Variants in SNTG1 observed in about 807,000 individuals in gnomAD.
SNTG1 encodes syntrophin gamma 1, also known as gamma-1-syntrophin.
In SNTG1, 39 loss-of-function variants were observed where a neutral mutation model predicts 74.7. The observed-to-expected ratio is 0.52, with a 90% CI of 0.40 to 0.68. The LOEUF (loss-of-function observed/expected upper bound fraction) is 0.68, where lower values mean the gene tolerates loss of function less well. Ranked by LOEUF, SNTG1 falls within the 30% of genes least tolerant of loss-of-function variation. The pLI, the probability that SNTG1 is intolerant of heterozygous loss-of-function variation, is 0.00. For missense variants in SNTG1, 685 were observed against 609.5 expected (o/e 1.12, Z -1.30); for synonymous variants, 254 against 217.1 (o/e 1.17, Z -1.49).
chr8:50,346,324 T>C lies in SNTG1; in HGVS notation c.-27-47888T>C, dbSNP rs1438823403. ...ATGGGGATCTGGAATCCGTGATCTT[T>C]GATGTTACTGGTGGGATTTTTTCAA... is the stretch of plus-strand genomic sequence containing the variant. On this transcript the variant is annotated intron_variant, in intron 2 of 18. Coordinates refer to ENST00000642720, the MANE Select transcript of SNTG1 (RefSeq NM_018967.5). 3.3e-5 allele frequency among the ~76,000 whole-genome samples: 5 copies of C among 152,294 alleles called. 1 individual carries two copies. The East Asian group carries it at 9.7e-4, about 29-fold the overall frequency.
chr8:50,663,454 A>G (rs2131304006), intron 15 of SNTG1, among the ~76,000 whole-genome samples: 1 of 152,212 alleles, frequency 6.6e-6, no homozygotes, highest in South Asian at 2.1e-4. Context: ...CAGGGCATGG[A>G]CAGCGGGCTA....
At chr8:49,975,886 A>C (rs1428206692) in intron 1 of SNTG1, among the ~76,000 whole-genome samples, 1 of 151,830 alleles carries the variant, frequency 6.6e-6, no homozygotes, top group East Asian at 1.9e-4. Flanking sequence ...TTTCTTCAAC[A>C]TTTTTTCCTA....
intron 8 of SNTG1, among the ~76,000 whole-genome samples, chr8:50,474,023 G>A (rs527476325): frequency 2.3e-4 from 35 of 152,038 alleles, no homozygotes; most frequent in Non-Finnish European, 1.2e-4. Context: ...GCTCCATGGA[G>A]TCTAGAGTTT....
Position 50,796,642 on chromosome 8 carries a change from CT to C in SNTG1, c.*3819del, listed in dbSNP as rs1802823964. ...TTAATGTACTACTAATGAAACCATACTTTTTTAAATGAAGCATACTGGAAAA... is the reference window on the plus strand; with the variant it reads ...TTAATGTACTACTAATGAAACCATACTTTTTAAATGAAGCATACTGGAAAA... On this transcript the variant is annotated 3_prime_UTR_variant, in exon 19 of 19. Coordinates refer to ENST00000642720, the MANE Select transcript of SNTG1 (RefSeq NM_018967.5). 1 of 151,800 alleles carries C rather than the reference CT, an allele frequency of 6.6e-6. No individual in the cohort carries two copies. Among genetic ancestry groups the C allele is most frequent in the Non-Finnish European group, 1.5e-5 (1 of 67,894 alleles). The allele number at this position is 151,800 out of a possible 1,614,324, so 9.4% of individuals were successfully genotyped here.
At chr8:50,052,192 A>C (rs1031427356) in intron 1 of SNTG1, among the ~76,000 whole-genome samples, 2 of 152,082 alleles carry the variant, frequency 1.3e-5, no homozygotes, top group African/African-American at 4.8e-5. Context: ...AATATAATAT[A>C]ATCTGATTAC....
intron 1 of SNTG1, among the ~76,000 whole-genome samples, chr8:50,022,960 GCAAA>G (rs1816953579): frequency 6.6e-6 from 1 of 152,080 alleles, no homozygotes; most frequent in South Asian, 2.1e-4. Flanking sequence ...TATTTCAGTG[GCAAA>G]CAAACAAAAA....
intron 1 of SNTG1, among the ~76,000 whole-genome samples, chr8:49,939,966 C>T (rs1029948984): frequency 6.6e-6 from 1 of 152,034 alleles, no homozygotes; most frequent in African/African-American, 2.4e-5. Context: ...CTGAAAAAGT[C>T]TTATGATACA....
intron 2 of SNTG1, among the ~76,000 whole-genome samples, chr8:50,244,397 C>T (rs961983032): frequency 6.6e-6 from 1 of 152,026 alleles, no homozygotes; most frequent in Non-Finnish European, 1.5e-5. Context: ...TCAACAGGCT[C>T]AAAGTATCAA....
At chr8:49,967,139 G>A (rs913725840) in intron 1 of SNTG1, among the ~76,000 whole-genome samples, 1 of 152,146 alleles carries the variant, frequency 6.6e-6, no homozygotes, top group African/African-American at 2.4e-5. Flanking sequence ...ACAGTCCTTC[G>A]AAGCTGGGCC....
intron 4 of SNTG1, among the ~76,000 whole-genome samples, chr8:50,423,589 T>C (rs1301446703): frequency 6.6e-6 from 1 of 152,226 alleles, no homozygotes; most frequent in African/African-American, 2.4e-5. Context: ...CATAGCAGAA[T>C]GCTATCTGAC....
chr8:50,330,673 G>A (rs1461399387), intron 2 of SNTG1, among the ~76,000 whole-genome samples: 4 of 152,186 alleles, frequency 2.6e-5, no homozygotes, highest in Non-Finnish European at 5.9e-5. Context: ...ATAAAGGAAA[G>A]AGGTTTCATT....
intron 8 of SNTG1, among the ~76,000 whole-genome samples, chr8:50,457,395 T>C (rs957471954): frequency 6.6e-6 from 1 of 152,160 alleles, no homozygotes; most frequent in Non-Finnish European, 1.5e-5. Flanking sequence ...AGGGGAACTC[T>C]TTGTATTCCT....
chr8:50,260,304 C>G (rs1349694782), intron 2 of SNTG1, among the ~76,000 whole-genome samples: 1 of 152,164 alleles, frequency 6.6e-6, no homozygotes, highest in African/African-American at 2.4e-5. Context: ...ACATACCTAG[C>G]TCTAGTCCCT....
At chr8:50,313,237 G>T (rs929191705) in intron 2 of SNTG1, among the ~76,000 whole-genome samples, 3 of 149,808 alleles carry the variant, frequency 2.0e-5, no homozygotes, top group Non-Finnish European at 4.4e-5. Context: ...AGGAAAAGCT[G>T]CATGATATTG....
intron 4 of SNTG1, among the ~76,000 whole-genome samples, chr8:50,412,025 C>T (rs76794890): frequency 0.047 from 7,127 of 152,114 alleles, 218 homozygotes; most frequent in Middle Eastern, 0.096. Context: ...CTCCTCCAAA[C>T]GTAGAAGCAA....
intron 2 of SNTG1, among the ~76,000 whole-genome samples, chr8:50,303,262 T>A (rs757578064): frequency 6.6e-6 from 1 of 152,122 alleles, no homozygotes; most frequent in Non-Finnish European, 1.5e-5. Flanking sequence ...TAAAAGTGAC[T>A]GACTTTTAAT....
intron 1 of SNTG1, among the ~76,000 whole-genome samples, chr8:50,017,607 G>A (rs1433033204): frequency 6.6e-6 from 1 of 151,850 alleles, no homozygotes; most frequent in Non-Finnish European, 1.5e-5. Flanking sequence ...GAATCAAGAT[G>A]GAGATGGAAT....
At chr8:50,559,233 G>GTT (rs2094473420) in intron 12 of SNTG1, among the ~76,000 whole-genome samples, 1 of 152,140 alleles carries the variant, frequency 6.6e-6, no homozygotes, top group Admixed American at 6.6e-5. Context: ...TTCTTGTAGT[G>GTT]TTTAGATAAA....
intron 8 of SNTG1, among the ~76,000 whole-genome samples, chr8:50,492,393 C>T (rs554131703): frequency 1.8e-4 from 27 of 152,264 alleles, no homozygotes; most frequent in African/African-American, 3.1e-4. Context: ...ACATCCTCTC[C>T]GGCATCTGTT....
Sources: gnomAD v4.1 joint callset for allele counts (sites outside exome capture counted in the v4.1 genomes callset) on GRCh38, gnomAD v4.1.1 for gene constraint, MANE v1.5 for transcripts, NCBI Gene and HGNC (gene_info 2026-07-23, HGNC 2026-07-21) for gene names.